PTH2R: variants seen among roughly 807,000 people sequenced by gnomAD.
The protein encoded by PTH2R is PTH2 receptor.
In PTH2R, 59 loss-of-function variants were observed where a neutral mutation model predicts 60.3. The ratio of observed to expected loss-of-function variants is 0.98; its 90% CI spans 0.79 to 1.22. PTH2R has a LOEUF of 1.22. PTH2R is among the 50% of genes most tolerant of loss of function. The pLI, the probability that PTH2R is intolerant of heterozygous loss-of-function variation, is 0.00. For synonymous variants in PTH2R, 256 were observed against 243.8 expected (o/e 1.05, Z -0.47); for missense variants, 749 against 682.6 (o/e 1.10, Z -1.08).
intron 1 of PTH2R, among the ~76,000 whole-genome samples, chr2:208,399,669 G>A (rs1348951813): frequency 1.3e-5 from 2 of 152,086 alleles, no homozygotes; most frequent in African/African-American, 4.8e-5. Flanking sequence ...CTTGTTCCTG[G>A]TTCTGCCTGA....
intron 7 of PTH2R, among the ~76,000 whole-genome samples, chr2:208,447,404 C>T (rs1454520364): frequency 3.3e-5 from 5 of 151,850 alleles, no homozygotes; most frequent in African/African-American, 9.7e-5. Flanking sequence ...CTGGCTAACA[C>T]GGTGAATCCC....
chr2:208,428,337 C>G (rs534047292), intron 2 of PTH2R, 34 bp downstream of exon 2: 2 of 1,435,898 alleles, frequency 1.4e-6, no homozygotes, highest in African/African-American at 2.8e-5. Flanking sequence ...TCTCCTTGTG[C>G]CTCCTATCTG....
chr2:208,425,968 T>C (rs1701849915), intron 1 of PTH2R, among the ~76,000 whole-genome samples: 1 of 152,206 alleles, frequency 6.6e-6, no homozygotes, highest in African/African-American at 2.4e-5. Flanking sequence ...ATATGTAATG[T>C]GTAGGGCTTT....
chr2:208,451,961 C>G (rs537269323), intron 8 of PTH2R, among the ~76,000 whole-genome samples: 1 of 152,098 alleles, frequency 6.6e-6, no homozygotes, highest in Admixed American at 6.6e-5. Context: ...GAGTTCAAAT[C>G]TTGATTTAAC....
chr2:208,361,906 C>G (rs1417914531), intron 1 of PTH2R, among the ~76,000 whole-genome samples: 1 of 152,214 alleles, frequency 6.6e-6, no homozygotes, highest in Non-Finnish European at 1.5e-5. Flanking sequence ...GTTGCCCAGA[C>G]AGCTGGTAAA....
intron 1 of PTH2R, among the ~76,000 whole-genome samples, chr2:208,418,680 A>G (rs1339470087): frequency 6.6e-6 from 1 of 152,154 alleles, no homozygotes; most frequent in Non-Finnish European, 1.5e-5. Flanking sequence ...AAAAAATTTC[A>G]TAGTTTTCTG....
At chr2:208,408,219 T>C (rs1701457885) in intron 1 of PTH2R, among the ~76,000 whole-genome samples, 1 of 152,218 alleles carries the variant, frequency 6.6e-6, no homozygotes. Flanking sequence ...ACAATTTGTG[T>C]GTCATACATT....
At chr2:208,477,896 C>T (rs2364125) in intron 9 of PTH2R, among the ~76,000 whole-genome samples, 84,522 of 146,830 alleles carry the variant, frequency 0.58, 26,572 homozygotes, top group Non-Finnish European at 0.69. Context: ...CTAGTACTAG[C>T]ACTACTACTA....
At chr2:208,419,423 G>A (rs1350051962) in intron 1 of PTH2R, among the ~76,000 whole-genome samples, 3 of 151,934 alleles carry the variant, frequency 2.0e-5, no homozygotes, top group Non-Finnish European at 4.4e-5. Context: ...CTGGATATTA[G>A]CCCTTTGTCA....
intron 1 of PTH2R, among the ~76,000 whole-genome samples, chr2:208,366,279 G>A (rs1020391922): frequency 2.0e-5 from 3 of 151,638 alleles, no homozygotes; most frequent in African/African-American, 7.3e-5. Flanking sequence ...GGCAGGTTTG[G>A]TGTTTCTAGA....
At chr2:208,411,787 G>A (rs115706887) in intron 1 of PTH2R, among the ~76,000 whole-genome samples, 33 of 152,124 alleles carry the variant, frequency 2.2e-4, no homozygotes, top group Non-Finnish European at 3.8e-4. Flanking sequence ...TGTCTCCACT[G>A]GCTCCACTGT....
In PTH2R at chr2:208,406,896, AC is replaced by A; in HGVS notation, c.-145del. The A allele has an allele frequency of 1.9e-6, 1 of 529,460 alleles. No homozygotes were observed. The highest frequency in any genetic ancestry group is 3.1e-6 in the Non-Finnish European group (1 of 319,770). 32.8% of individuals were successfully genotyped at this position (529,460 alleles called of 1,614,324 possible). ...TGGCTCCGGCGACAAGACCCCAAGC[AC>A]CCTCGGCCGGTGGCCCGGGCCCGAC... On this transcript the variant is annotated 5_prime_UTR_variant, in exon 1 of 13. Coordinates refer to ENST00000272847, the MANE Select transcript of PTH2R (RefSeq NM_005048.4).
intron 12 of PTH2R, 95 bp from the exon 13 acceptor site, chr2:208,493,169 A>G: frequency 7.9e-7 from 1 of 1,271,344 alleles, no homozygotes; most frequent in East Asian, 2.6e-5. Flanking sequence ...ATCAATGATT[A>G]TTGCTGTCAT....
chr2:208,455,201 T>C (rs1267859621), intron 8 of PTH2R, among the ~76,000 whole-genome samples: 3 of 152,228 alleles, frequency 2.0e-5, no homozygotes, highest in African/African-American at 7.2e-5. Context: ...ACCTGTTACT[T>C]GATTTACATG....
chr2:208,406,904 C>CCCA lies in PTH2R; in HGVS notation c.-139_-138insCAC. 2 of 584,230 alleles carry CCCA rather than the reference C, an allele frequency of 3.4e-6. No homozygotes were observed. The highest frequency in any genetic ancestry group is 5.5e-6 in the Non-Finnish European group (2 of 366,056). The allele number at this position is 584,230 out of a possible 1,614,324, so 36.2% of individuals were successfully genotyped here. On this transcript the variant is annotated 5_prime_UTR_variant, in exon 1 of 13. Coordinates refer to ENST00000272847, the MANE Select transcript of PTH2R (RefSeq NM_005048.4). ...GCGACAAGACCCCAAGCACCCTCGG[C>CCCA]CGGTGGCCCGGGCCCGACCACCCCA... is the stretch of plus-strand genomic sequence containing the variant.
At chr2:208,407,976 A>G (rs534889266) in intron 1 of PTH2R, among the ~76,000 whole-genome samples, 1 of 152,192 alleles carries the variant, frequency 6.6e-6, no homozygotes, top group Non-Finnish European at 1.5e-5. Flanking sequence ...TTATGTGTTG[A>G]TACTGTCTAA....
intron 1 of PTH2R, among the ~76,000 whole-genome samples, chr2:208,378,241 C>CGT (rs1179232103): frequency 2.2e-4 from 33 of 150,298 alleles, no homozygotes; most frequent in African/African-American, 6.9e-4. Context: ...GGCGTGGCGG[C>CGT]GCGCACCTGC....
At chr2:208,449,562 G>A (rs1269869995) in intron 7 of PTH2R, among the ~76,000 whole-genome samples, 1 of 152,008 alleles carries the variant, frequency 6.6e-6, no homozygotes, top group Non-Finnish European at 1.5e-5. Flanking sequence ...AATTTGAGCA[G>A]ATTAAAGAAA....
At chr2:208,424,238 G>A (rs1393426469) in intron 1 of PTH2R, among the ~76,000 whole-genome samples, 2 of 151,904 alleles carry the variant, frequency 1.3e-5, no homozygotes, top group African/African-American at 4.8e-5. Context: ...CAGTGAGAGG[G>A]AATGTTTTAG....
Sources: gnomAD v4.1 joint callset for allele counts (sites outside exome capture counted in the v4.1 genomes callset) on GRCh38, gnomAD v4.1.1 for gene constraint, MANE v1.5 for transcripts, NCBI Gene and HGNC (gene_info 2026-07-23, HGNC 2026-07-21) for gene names.